Variants in TTC27 observed in about 807,000 individuals in gnomAD.
TTC27 encodes tetratricopeptide repeat domain 27, also known as tetratricopeptide repeat protein 27.
A neutral mutation model predicts 115.9 loss-of-function variants in TTC27; 79 were observed. That is an observed-to-expected ratio of 0.68 (90% CI 0.57 to 0.82). The LOEUF (loss-of-function observed/expected upper bound fraction) is 0.82, where lower values mean the gene tolerates loss of function less well. TTC27 is among the 40% of genes least tolerant of loss of function. The pLI, the probability that TTC27 is intolerant of heterozygous loss-of-function variation, is 0.00. For missense variants in TTC27, 1,054 were observed against 993.1 expected (o/e 1.06, Z -0.82); for synonymous variants, 401 against 356.0 (o/e 1.13, Z -1.42).
At chr2:32,784,456 G>A (rs939904289) in intron 15 of TTC27, among the ~76,000 whole-genome samples, 41 of 152,176 alleles carry the variant, frequency 2.7e-4, no homozygotes, top group African/African-American at 9.6e-4. Flanking sequence ...GCCTTAAAAC[G>A]GCCCATTAAA....
chr2:32,632,305 G>A (rs946524559), intron 2 of TTC27, among the ~76,000 whole-genome samples: 11 of 151,780 alleles, frequency 7.2e-5, no homozygotes, highest in African/African-American at 1.5e-4. Context: ...CACTCCGCCC[G>A]GCTGGATTCT....
At chr2:32,728,843 A>G (rs1668199205) in intron 10 of TTC27, among the ~76,000 whole-genome samples, 1 of 151,912 alleles carries the variant, frequency 6.6e-6, no homozygotes, top group South Asian at 2.1e-4. Context: ...CCCATTGGCA[A>G]TTTTCTTGGG....
intron 11 of TTC27, among the ~76,000 whole-genome samples, chr2:32,734,268 G>A (rs1668384854): frequency 6.6e-6 from 1 of 152,082 alleles, no homozygotes. Flanking sequence ...ATTCACGGGT[G>A]TGATCATTGT....
intron 10 of TTC27, among the ~76,000 whole-genome samples, chr2:32,710,481 T>G (rs2151905243): frequency 6.9e-6 from 1 of 145,014 alleles, no homozygotes; most frequent in African/African-American, 2.6e-5. Context: ...CAGGCTAGAG[T>G]GCAGTGGCGT....
intron 13 of TTC27, among the ~76,000 whole-genome samples, chr2:32,771,799 C>G (rs551584035): frequency 1.3e-5 from 2 of 152,176 alleles, no homozygotes; most frequent in Non-Finnish European, 2.9e-5. Context: ...GATTTCACTT[C>G]GGTCATTTCC....
rs149362730 is a variant in TTC27 at position 32,664,987 on chromosome 2, C to T, written c.805+520C>T. ...AGCTAGGATTACGGGTGCCCACCAC[C>T]ACGCCTGGCTAATTTTTTTTATTTT... On this transcript the variant is annotated intron_variant, in intron 6 of 19. Transcript: ENST00000317907. Among the ~76,000 whole-genome samples the T allele has an allele frequency of 8.2e-3, 1,251 of 152,118 alleles. 16 individuals are homozygous for T. The highest frequency in any genetic ancestry group is 8.9e-3 in the Non-Finnish European group (607 of 68,016).
At chr2:32,714,384 T>C (rs546053966) in intron 10 of TTC27, among the ~76,000 whole-genome samples, 10 of 152,084 alleles carry the variant, frequency 6.6e-5, no homozygotes, top group Non-Finnish European at 1.0e-4. Context: ...GGTCTCGATC[T>C]CCTGACCTTG....
chr2:32,816,692 G>T (rs1671511546), intron 18 of TTC27, among the ~76,000 whole-genome samples: 1 of 152,198 alleles, frequency 6.6e-6, no homozygotes, highest in Non-Finnish European at 1.5e-5. Context: ...TAAGAACCTG[G>T]TTGTGGTCGC....
Position 32,809,791 on chromosome 2 carries a change from G to C in TTC27, c.1999-1233G>C, listed in dbSNP as rs550223128. Reference sequence around the variant, plus strand: ...GTCAGCATTCAAAGCATCTGGGATAGAATGTGTAAAGGCTGACTGATGATA... The same window carrying C: ...GTCAGCATTCAAAGCATCTGGGATACAATGTGTAAAGGCTGACTGATGATA... On this transcript the variant is annotated intron_variant, in intron 16 of 19. Transcript: ENST00000317907. 4.6e-5 allele frequency among the ~76,000 whole-genome samples: 7 copies of C among 152,312 alleles called. No homozygotes were observed. The East Asian group carries it at 1.4e-3, about 29-fold the overall frequency.
chr2:32,820,135 C>T (rs915418806), intron 19 of TTC27, among the ~76,000 whole-genome samples: 1 of 152,186 alleles, frequency 6.6e-6, no homozygotes, highest in African/African-American at 2.4e-5. Flanking sequence ...TATACACAGT[C>T]GCATGTACAC....
At chr2:32,655,731 CCTT>C (rs539552457) in intron 5 of TTC27, among the ~76,000 whole-genome samples, 3 of 149,938 alleles carry the variant, frequency 2.0e-5, no homozygotes, top group Non-Finnish European at 4.4e-5. Flanking sequence ...GCTACAAAGT[CCTT>C]TTTTTTTTTT....
intron 12 of TTC27, among the ~76,000 whole-genome samples, chr2:32,745,403 A>C (rs1350264857): frequency 6.6e-6 from 1 of 152,176 alleles, no homozygotes; most frequent in Non-Finnish European, 1.5e-5. Flanking sequence ...AGAACGATTC[A>C]GTGGAAGACT....
Position 32,650,251 on chromosome 2 carries a change from G to C in TTC27, c.640+18G>C, listed in dbSNP as rs1314286388. The C allele has an allele frequency of 3.1e-6, 5 of 1,590,798 alleles. No homozygotes were observed. The highest frequency in any genetic ancestry group is 4.3e-6 in the Non-Finnish European group (5 of 1,162,430). On this transcript the variant is annotated intron_variant, in intron 5 of 19. Transcript: ENST00000317907. ...TGATCAAGGTATGTAGCAGATTTTT[G>C]TTTGATATGGGCATGTAGCTCAGTT...
rs149876222 is a variant in TTC27, at chr2:32,714,513, C to G, written c.1233+11593C>G. On this transcript the variant is annotated intron_variant, in intron 10 of 19. Coordinates refer to ENST00000317907, the MANE Select transcript of TTC27 (RefSeq NM_017735.5). ...CTGTTGATGGGAATTTAGGTTGAGT[C>G]CATGCCTTTGCTATTGTGAATAGTG... Among the ~76,000 whole-genome samples, 507 of 152,208 alleles carry G rather than the reference C, an allele frequency of 3.3e-3. 2 individuals are homozygous for G. The highest frequency in any genetic ancestry group is 0.011 in the African/African-American group (441 of 41,524).
At chr2:32,646,855 G>A (rs989237833) in intron 4 of TTC27, among the ~76,000 whole-genome samples, 10 of 151,844 alleles carry the variant, frequency 6.6e-5, no homozygotes, top group African/African-American at 2.2e-4. Flanking sequence ...GAGCCACCGC[G>A]CCCGGCCTCT....
At chr2:32,693,938 A>G (rs1443019628) in intron 9 of TTC27, among the ~76,000 whole-genome samples, 1 of 152,208 alleles carries the variant, frequency 6.6e-6, no homozygotes, top group Non-Finnish European at 1.5e-5. Flanking sequence ...TTTATTAAAT[A>G]AAACTAATAA....
At position 32,634,004 on chromosome 2, in the gene TTC27, A is replaced by T; in HGVS notation, c.395A>T (p.Glu132Val). 6.2e-7 allele frequency: 1 copy of T among 1,610,158 alleles called. No homozygotes were observed. Among genetic ancestry groups the T allele is most frequent in the African/African-American group, 1.3e-5 (1 of 74,920 alleles). The stretch of plus-strand genomic sequence containing the variant: ...TCTGTTTTGTTCCAGCAATTCAGTG[A>T]GGTATGCTTCTTGAAAATGTTGTAT... ...LSSVLFQQFS[E>V]VKGLDAFVLS... The change falls in exon 3 of 20, where the codon GAG becomes GTG. Residue 132 changes from glutamate to valine, a missense_variant and splice_region_variant. Glu to Val is a moderately radical substitution (Grantham distance 121). Transcript: ENST00000317907.
chr2:32,766,649 T>C (rs1669637156), intron 13 of TTC27: 1 of 159,502 alleles, frequency 6.3e-6, no homozygotes, highest in African/African-American at 2.4e-5. Context: ...ATAACAAATG[T>C]AATAATAATG....
chr2:32,670,579 G>A (rs1665975853), intron 7 of TTC27, among the ~76,000 whole-genome samples: 1 of 151,834 alleles, frequency 6.6e-6, no homozygotes, highest in Non-Finnish European at 1.5e-5. Flanking sequence ...TAGAAAATAT[G>A]TATGTAAGTC....
Sources: gnomAD v4.1 joint callset for allele counts (sites outside exome capture counted in the v4.1 genomes callset) on GRCh38, gnomAD v4.1.1 for gene constraint, MANE v1.5 for transcripts, NCBI Gene and HGNC (gene_info 2026-07-23, HGNC 2026-07-21) for gene names.